Variants in NXN observed in about 807,000 individuals in gnomAD.
NXN encodes the protein nucleoredoxin.
A neutral mutation model predicts 48.6 loss-of-function variants in NXN; 16 were observed. The ratio of observed to expected loss-of-function variants is 0.33; its 90% CI spans 0.22 to 0.50. NXN has a LOEUF of 0.50. Ranked by LOEUF, NXN falls within the 20% of genes least tolerant of loss-of-function variation. NXN has a pLI of 0.98. For missense variants in NXN, 492 were observed against 605.5 expected (o/e 0.81, Z 1.97); for synonymous variants, 281 against 269.6 (o/e 1.04, Z -0.41).
chr17:867,359 G>A (rs2068104775), intron 1 of NXN, among the ~76,000 whole-genome samples: 1 of 147,708 alleles, frequency 6.8e-6, no homozygotes, highest in South Asian at 2.2e-4. Context: ...AAGTTCTCGG[G>A]GTTCTCCGGG....
chr17:955,393 C>G (rs2069155196), intron 1 of NXN, among the ~76,000 whole-genome samples: 1 of 150,906 alleles, frequency 6.6e-6, no homozygotes, highest in Non-Finnish European at 1.5e-5. Context: ...TGGTCTCGAA[C>G]TCCTGACCTC....
At chr17:810,187 T>C (rs62070005) in intron 5 of NXN, among the ~76,000 whole-genome samples, 30,670 of 66,154 alleles carry the variant, frequency 0.46, 7,947 homozygotes, top group East Asian at 0.67. Context: ...CTGGCGTGCA[T>C]GTTACGAGTC....
At chr17:809,860 C>CTTACGAGTCAGTGTGAGTGGCGTGCACG (rs1911813031) in intron 5 of NXN, among the ~76,000 whole-genome samples, 1 of 93,102 alleles carries the variant, frequency 1.1e-5, no homozygotes, top group African/African-American at 3.5e-5. Context: ...CGGCGGGCAC[C>CTTACGAGTCAGTGTGAGTGGCGTGCACG]TTACGAGTCA....
At chr17:892,086 A>C (rs112718626) in intron 1 of NXN, among the ~76,000 whole-genome samples, 9 of 56,156 alleles carry the variant, frequency 1.6e-4, no homozygotes, top group South Asian at 5.8e-4. Context: ...CCCAACAGGG[A>C]ACCTAAACTA....
intron 1 of NXN, among the ~76,000 whole-genome samples, chr17:877,679 T>C (rs1321220523): frequency 1.3e-5 from 2 of 152,162 alleles, no homozygotes; most frequent in East Asian, 1.9e-4. Context: ...CTTAGAACAA[T>C]GTCTGGGGCA....
intron 1 of NXN, among the ~76,000 whole-genome samples, chr17:950,871 C>A (rs1398096118): frequency 6.6e-6 from 1 of 151,980 alleles, no homozygotes; most frequent in East Asian, 1.9e-4. Flanking sequence ...ACACACCAAG[C>A]CAGTAAAGAC....
intron 1 of NXN, among the ~76,000 whole-genome samples, chr17:961,804 A>T (rs1162223411): frequency 6.6e-6 from 1 of 152,212 alleles, no homozygotes; most frequent in African/African-American, 2.4e-5. Context: ...CAACCAAATG[A>T]ATTATAAATT....
intron 1 of NXN, among the ~76,000 whole-genome samples, chr17:841,101 T>C (rs34533694): frequency 0.042 from 6,455 of 152,212 alleles, 256 homozygotes; most frequent in East Asian, 0.24. Flanking sequence ...TGCAGAATGG[T>C]CTGGGGGGCA....
chr17:801,596 C>T (rs928675603), intron 7 of NXN, among the ~76,000 whole-genome samples: 1 of 151,826 alleles, frequency 6.6e-6, no homozygotes, highest in East Asian at 1.9e-4. Context: ...CAGGCGCCCA[C>T]CACGCCCGGC....
chr17:940,545 C>T (rs1265246529), intron 1 of NXN, among the ~76,000 whole-genome samples: 2 of 152,246 alleles, frequency 1.3e-5, no homozygotes, highest in Non-Finnish European at 2.9e-5. Flanking sequence ...CACCCAGACC[C>T]TTTCACCACT....
chr17:805,500 A>G (rs888353815), intron 5 of NXN, among the ~76,000 whole-genome samples: 1 of 152,116 alleles, frequency 6.6e-6, no homozygotes, highest in Non-Finnish European at 1.5e-5. Context: ...GGGCCTCAGG[A>G]TCCTCAGCTG....
At chr17:824,282 C>G (rs1336338340) in intron 2 of NXN, among the ~76,000 whole-genome samples, 2 of 152,038 alleles carry the variant, frequency 1.3e-5, no homozygotes, top group Non-Finnish European at 2.9e-5. Context: ...CTCCTGACCT[C>G]GTGATCCACC....
At chr17:891,031 CTG>C (rs1463587190) in intron 1 of NXN, among the ~76,000 whole-genome samples, 33 of 151,950 alleles carry the variant, frequency 2.2e-4, no homozygotes, top group Non-Finnish European at 4.7e-4. Flanking sequence ...GTCTGTCTGT[CTG>C]TCTGTCTATC....
intron 1 of NXN, among the ~76,000 whole-genome samples, chr17:918,531 C>T (rs1466225144): frequency 6.6e-6 from 1 of 152,128 alleles, no homozygotes. Context: ...CGCAGTGGCT[C>T]ATGCCTGTAA....
chr17:838,948 G>A (rs1318149985), intron 1 of NXN, among the ~76,000 whole-genome samples: 1 of 152,216 alleles, frequency 6.6e-6, no homozygotes, highest in East Asian at 1.9e-4. Flanking sequence ...GGTGGAGAAT[G>A]TGGTTCTGGA....
Position 833,679 on chromosome 17 carries a change from C to T in NXN, c.361-7601G>A, listed in dbSNP as rs112862208. ...ACAGAGTTCATAAATCCCCCTGAAG[C>T]CTGTTAGCGGAAACTGATCACGGGA... is the stretch of plus-strand genomic sequence containing the variant. On this transcript the variant is annotated intron_variant, in intron 1 of 7. Coordinates refer to ENST00000336868, the MANE Select transcript of NXN (RefSeq NM_022463.5). Among the ~76,000 whole-genome samples the T allele has an allele frequency of 1.8e-3, 272 of 152,188 alleles. 6 individuals are homozygous for T. The highest frequency in any genetic ancestry group is 6.2e-3 in the African/African-American group (257 of 41,522).
At position 958,626 on chromosome 17, in the gene NXN, C is replaced by T. The variant is rs2069198311; in HGVS notation, c.360+20693G>A. 6.6e-6 allele frequency among the ~76,000 whole-genome samples: 1 copy of T among 152,116 alleles called. No homozygotes were observed. The highest frequency in any genetic ancestry group is 6.6e-5 in the Admixed American group (1 of 15,248). ...TCTGTACTAAAAATACAAAAATTAGCCAGGCGTGGTGGCGTGCGCCTGTAG... is the reference window on the plus strand; with the variant it reads ...TCTGTACTAAAAATACAAAAATTAGTCAGGCGTGGTGGCGTGCGCCTGTAG... On this transcript the variant is annotated intron_variant, in intron 1 of 7. Coordinates refer to ENST00000336868, the MANE Select transcript of NXN (RefSeq NM_022463.5). This position sits in a 1 kb window ranked among gnomAD's most constrained non-coding sequence, Gnocchi z 6.9.
chr17:966,505 G>A (rs368726810), intron 1 of NXN, among the ~76,000 whole-genome samples: 2 of 151,994 alleles, frequency 1.3e-5, no homozygotes, highest in South Asian at 2.1e-4. Flanking sequence ...GCGCCACCAC[G>A]CCCGGCTAAT....
At chr17:925,170 G>C (rs1438895061) in intron 1 of NXN, among the ~76,000 whole-genome samples, 2 of 152,286 alleles carry the variant, frequency 1.3e-5, no homozygotes, top group East Asian at 3.9e-4. Context: ...AGAAAGAAGG[G>C]GTGGAAAGGA....
Sources: allele counts gnomAD v4.1 joint callset (sites outside exome capture counted in the v4.1 genomes callset), GRCh38; gene constraint gnomAD v4.1.1; non-coding constraint Gnocchi (gnomAD v3.1); transcripts MANE v1.5; gene names NCBI Gene and HGNC (gene_info 2026-07-23, HGNC 2026-07-21).